Variants in GLRA1 observed in about 807,000 individuals in gnomAD.
The protein encoded by GLRA1 is glycine receptor subunit alpha-1.
GLRA1 carries 37 observed loss-of-function variants against 48.3 expected under a neutral mutation model. The ratio of observed to expected loss-of-function variants is 0.77; its 90% CI spans 0.59 to 1.01. The LOEUF is 1.01. Among genes scored for constraint, GLRA1 ranks in the 50% least tolerant of loss-of-function variants. GLRA1 has a pLI of 0.00. For synonymous variants in GLRA1, 196 were observed against 210.7 expected, an observed-to-expected ratio of 0.93 and a Z score of 0.60; for missense variants, 427 against 571.0, an observed-to-expected ratio of 0.75 and a Z score of 2.57.
intron 3 of GLRA1, among the ~76,000 whole-genome samples, chr5:151,885,362 T>G (rs1419994087): frequency 1.3e-5 from 2 of 152,174 alleles, no homozygotes; most frequent in African/African-American, 4.8e-5. Flanking sequence ...GAGGGACACA[T>G]AAGCAGGTTG....
chr5:151,924,328 C>CG (rs1441840760), intron 1 of GLRA1, among the ~76,000 whole-genome samples, 166 bp downstream of exon 1: 1 of 10,824 alleles, frequency 9.2e-5, no homozygotes, highest in Non-Finnish European at 1.9e-4. Flanking sequence ...GGGTGGGTGG[C>CG]GGGGGGTGGG....
chr5:151,847,235 T>A (rs1452548172), intron 7 of GLRA1, among the ~76,000 whole-genome samples: 2 of 152,212 alleles, frequency 1.3e-5, no homozygotes, highest in East Asian at 3.8e-4. Context: ...GAATATTGTG[T>A]CTATTGTTGA....
chr5:151,893,352 CTTT>C (rs1754145865), intron 1 of GLRA1, among the ~76,000 whole-genome samples: 3 of 136,858 alleles, frequency 2.2e-5, no homozygotes, highest in Non-Finnish European at 3.2e-5. Flanking sequence ...TTCTTTCTTT[CTTT>C]CTTTCATTTT....
At position 151,851,292 on chromosome 5, in the gene GLRA1, G is replaced by A. The variant is rs1451704224; in HGVS notation, c.912+98C>T. The A allele has an allele frequency of 6.2e-6, 5 of 807,134 alleles. No homozygotes were observed. The East Asian group carries it at 1.3e-4, about 21-fold the overall frequency. The allele number at this position is 807,134 out of a possible 1,614,324, so 50.0% of individuals were successfully genotyped here. ...AAAGTATAGTAGATAAATAAGTAGT[G>A]AATAATTCCTTTGCTCCCCATGTTT... On this transcript the variant is annotated intron_variant, in intron 7 of 8. Transcript: ENST00000274576.
chr5:151,895,780 C>T (rs972973073), intron 1 of GLRA1, among the ~76,000 whole-genome samples: 4 of 152,086 alleles, frequency 2.6e-5, no homozygotes, highest in Admixed American at 2.6e-4. Flanking sequence ...ACAGTTGGGG[C>T]CACTGTCCAT....
At chr5:151,848,186 C>G (rs891493520) in intron 7 of GLRA1, among the ~76,000 whole-genome samples, 1 of 152,198 alleles carries the variant, frequency 6.6e-6, no homozygotes, top group Non-Finnish European at 1.5e-5. Flanking sequence ...CTTTCCCTAA[C>G]TGATAAGGCT....
intron 7 of GLRA1, among the ~76,000 whole-genome samples, chr5:151,844,102 G>A (rs977137975): frequency 1.3e-5 from 2 of 151,326 alleles, no homozygotes; most frequent in African/African-American, 2.4e-5. Context: ...CTCAGGAGGC[G>A]GAGGTTGCAG....
At position 151,856,265 on chromosome 5, in the gene GLRA1, C is replaced by T; in HGVS notation, c.559+36G>A. The T allele has an allele frequency of 3.5e-6, 5 of 1,424,098 alleles. No individual in the cohort carries two copies. In the South Asian group the frequency reaches 4.6e-5, roughly 13 times the overall value. The allele number at this position is 1,424,098 out of a possible 1,614,324, so 88.2% of individuals were successfully genotyped here. A position where few individuals can be genotyped will look rare whatever the true frequency, so the allele number is the denominator to read the frequency against. On this transcript the variant is annotated intron_variant, in intron 5 of 8. Transcript: ENST00000274576. ...GCCTATCCCATGGGTAAAAAGGAGC[C>T]TGGTTCTTTCTAGAGGACTCATGCA...
chr5:151,891,477 A>G (rs531812689), intron 2 of GLRA1, among the ~76,000 whole-genome samples: 44 of 152,204 alleles, frequency 2.9e-4, no homozygotes, highest in Non-Finnish European at 5.9e-4. Context: ...AGATCTCGGT[A>G]TCTGGCTCTT....
chr5:151,895,763 A>G (rs1754213372), intron 1 of GLRA1, among the ~76,000 whole-genome samples: 1 of 151,996 alleles, frequency 6.6e-6, no homozygotes, highest in Admixed American at 6.5e-5. Context: ...GGTGCTTCCC[A>G]TGGCCCACAG....
chr5:151,872,001 G>A (rs1753498685), intron 3 of GLRA1, among the ~76,000 whole-genome samples: 1 of 149,716 alleles, frequency 6.7e-6, no homozygotes, highest in Non-Finnish European at 1.5e-5. Context: ...AATATAATGA[G>A]TCATAGAAAT....
At chr5:151,914,799 A>T (rs1164252641) in intron 1 of GLRA1, among the ~76,000 whole-genome samples, 1 of 152,172 alleles carries the variant, frequency 6.6e-6, no homozygotes, top group Non-Finnish European at 1.5e-5. Flanking sequence ...AAGGATAGAG[A>T]TTGAGAGCTC....
intron 3 of GLRA1, 108 bp from the exon 4 acceptor site, chr5:151,860,116 T>A: frequency 1.3e-6 from 1 of 776,824 alleles, no homozygotes. Flanking sequence ...AGGATGTTAT[T>A]AAGTGTGGTT....
At chr5:151,843,256 ATTTT>A (rs34491994) in intron 7 of GLRA1, among the ~76,000 whole-genome samples, 2 of 120,766 alleles carry the variant, frequency 1.7e-5, no homozygotes, top group Non-Finnish European at 1.7e-5. Context: ...CTGCTTCTAA[ATTTT>A]TTTTTTTTTT....
Position 151,884,452 on chromosome 5 carries a change from A to ACAAAACAAAACAAAAC in GLRA1, c.252+2268_252+2269insGTTTTGTTTTGTTTTG, listed in dbSNP as rs1554085717. 9.1e-3 allele frequency among the ~76,000 whole-genome samples: 1,381 copies of ACAAAACAAAACAAAAC among 151,024 alleles called. 30 individuals are homozygous for ACAAAACAAAACAAAAC. The highest frequency in any genetic ancestry group is 0.032 in the African/African-American group (1,328 of 41,154). On this transcript the variant is annotated intron_variant, in intron 3 of 8. Coordinates refer to ENST00000274576, the MANE Select transcript of GLRA1 (RefSeq NM_000171.4). ...TCAAAACAAAACAAAACAAAACAAA[A>ACAAAACAAAACAAAAC]AAACCCATTTTTTCTCTACACACTT...
intron 7 of GLRA1, among the ~76,000 whole-genome samples, chr5:151,830,500 G>A (rs1479014075): frequency 1.3e-5 from 2 of 152,210 alleles, no homozygotes; most frequent in Admixed American, 6.5e-5. Context: ...TTCCCGGGAA[G>A]ACTTGAGATG....
rs67871185 is a variant in GLRA1, at chr5:151,895,625, CTGTGTGTG to C, written c.57-3195_57-3188del. On this transcript the variant is annotated intron_variant, in intron 1 of 8. Coordinates refer to ENST00000274576, the MANE Select transcript of GLRA1 (RefSeq NM_000171.4). ...CTCTTGCAGCATGGTGTGTGTGTGTCTGTGTGTGTGTGTGTGTGTGTGTGTGTGTGTGT... is the reference window on the plus strand; with the variant it reads ...CTCTTGCAGCATGGTGTGTGTGTGTCTGTGTGTGTGTGTGTGTGTGTGTGT... 2.5e-3 allele frequency among the ~76,000 whole-genome samples: 367 copies of C among 146,674 alleles called. 2 individuals carry two copies. The highest frequency in any genetic ancestry group is 7.4e-3 in the African/African-American group (296 of 39,920).
chr5:151,886,175 T>C (rs926274880), intron 3 of GLRA1, among the ~76,000 whole-genome samples: 3 of 152,230 alleles, frequency 2.0e-5, no homozygotes, highest in African/African-American at 4.8e-5. Flanking sequence ...ATATAAATAC[T>C]GTAGGAAGAA....
At position 151,828,933 on chromosome 5, in the gene GLRA1, C is replaced by T. The variant is rs762310613; in HGVS notation, c.1047G>A (p.Arg349=). The T allele has an allele frequency of 6.2e-7, 1 of 1,614,108 alleles. No individual in the cohort carries two copies. Among genetic ancestry groups the T allele is most frequent in the African/African-American group, 1.3e-5 (1 of 75,050 alleles). Residue 349 remains arginine, a synonymous_variant, in exon 8 of 9, where the codon CGG becomes CGA. Transcript: ENST00000274576. ...CCCAAAGGCCTACCTTGTGATGTCT[C>T]CGCTTCCTCCTGAATCGGAGCAGCT... ...HKELLRFRRK[R]RHHKEDEAGE...
Sources: allele counts gnomAD v4.1 joint callset (sites outside exome capture counted in the v4.1 genomes callset), GRCh38; gene constraint gnomAD v4.1.1; transcripts MANE v1.5; gene names NCBI Gene and HGNC (gene_info 2026-07-23, HGNC 2026-07-21).